Variants in LARP1 observed in about 807,000 individuals in gnomAD.
LARP1 encodes the protein La ribonucleoprotein 1, translational regulator, also known as la-related protein 1.
A neutral mutation model predicts 122.7 loss-of-function variants in LARP1; 36 were observed. The ratio of observed to expected loss-of-function variants is 0.29; its 90% CI spans 0.22 to 0.39. The LOEUF is 0.39. Among genes scored for constraint, LARP1 ranks in the 10% least tolerant of loss-of-function variants. The pLI is 1.00. For missense variants in LARP1, 1,040 were observed against 1,403.6 expected, an observed-to-expected ratio of 0.74 and a Z score of 4.14; for synonymous variants, 539 against 528.7, an observed-to-expected ratio of 1.02 and a Z score of -0.27.
chr5:154,806,955 A>G (rs1758840791), intron 15 of LARP1, among the ~76,000 whole-genome samples: 1 of 152,074 alleles, frequency 6.6e-6, no homozygotes, highest in South Asian at 2.1e-4. Context: ...TACCAGTCAT[A>G]CTCATTATAC....
At chr5:154,714,509 G>C (rs879375412) in intron 1 of LARP1, among the ~76,000 whole-genome samples, 9 of 152,214 alleles carry the variant, frequency 5.9e-5, no homozygotes, top group Non-Finnish European at 1.3e-4. Context: ...GAAGCAGCAG[G>C]ATAATACAAT....
intron 1 of LARP1, among the ~76,000 whole-genome samples, chr5:154,770,734 T>G (rs911181163): frequency 6.6e-6 from 1 of 152,146 alleles, no homozygotes; most frequent in Non-Finnish European, 1.5e-5. Flanking sequence ...GAGCACAGTC[T>G]GGGAATCCAG....
chr5:154,767,396 T>A (rs1755040420), intron 1 of LARP1, among the ~76,000 whole-genome samples: 1 of 152,212 alleles, frequency 6.6e-6, no homozygotes, highest in Non-Finnish European at 1.5e-5. Flanking sequence ...CTGGCCTTCC[T>A]CTGTTGTCCT....
At chr5:154,748,468 G>A (rs1753315898) in intron 1 of LARP1, among the ~76,000 whole-genome samples, 1 of 152,130 alleles carries the variant, frequency 6.6e-6, no homozygotes, top group South Asian at 2.1e-4. Context: ...AAAAATATAT[G>A]TTTTAGGAAA....
chr5:154,781,334 C>A (rs1232167049), intron 1 of LARP1, among the ~76,000 whole-genome samples: 2 of 152,224 alleles, frequency 1.3e-5, no homozygotes, highest in Admixed American at 1.3e-4. Context: ...GGGCTCACGC[C>A]TGTAATCCCA....
intron 1 of LARP1, among the ~76,000 whole-genome samples, chr5:154,768,325 A>G (rs1755115862): frequency 6.6e-6 from 1 of 152,206 alleles, no homozygotes; most frequent in Non-Finnish European, 1.5e-5. Flanking sequence ...GTTAGGTGTC[A>G]GGCCCTGAGA....
chr5:154,817,371 G>A lies in LARP1; in HGVS notation c.*3275G>A, dbSNP rs769971949. The A allele has an allele frequency of 1.2e-4, 18 of 152,588 alleles. No homozygotes were observed. Among genetic ancestry groups the A allele is most frequent in the Admixed American group, 9.8e-4 (15 of 15,282 alleles). 9.5% of individuals were successfully genotyped at this position (152,588 alleles called of 1,614,324 possible). On this transcript the variant is annotated 3_prime_UTR_variant, in exon 19 of 19. Coordinates refer to ENST00000518297, the MANE Select transcript of LARP1 (RefSeq NM_033551.3). ...GCGGAGAAGGTTCCACCTTACGCTC[G>A]TAGTACATTATCTTTACTATGTGCT...
intron 15 of LARP1, among the ~76,000 whole-genome samples, 182 bp from the exon 16 acceptor site, chr5:154,808,277 G>T (rs1758957602): frequency 2.0e-5 from 3 of 152,200 alleles, no homozygotes; most frequent in African/African-American, 7.2e-5. Context: ...CCAGCATCAG[G>T]GCCTGGGGCA....
At chr5:154,701,282 A>G (rs1254578591) in intron 1 of LARP1, among the ~76,000 whole-genome samples, 1 of 152,152 alleles carries the variant, frequency 6.6e-6, no homozygotes, top group Non-Finnish European at 1.5e-5. Flanking sequence ...AGATCCTATC[A>G]CTTCGTTTGT....
intron 1 of LARP1, among the ~76,000 whole-genome samples, chr5:154,704,039 T>C (rs1296336408): frequency 1.3e-5 from 2 of 152,204 alleles, no homozygotes; most frequent in Non-Finnish European, 2.9e-5. Flanking sequence ...GGGCAATGTA[T>C]ACCCCCAGGG....
At chr5:154,727,535 A>C (rs1024292510) in intron 1 of LARP1, among the ~76,000 whole-genome samples, 1 of 152,194 alleles carries the variant, frequency 6.6e-6, no homozygotes, top group African/African-American at 2.4e-5. Context: ...CAAAGGCTAC[A>C]AAATTTCAGT....
chr5:154,780,065 A>G (rs1582388846), intron 1 of LARP1, among the ~76,000 whole-genome samples: 1 of 151,198 alleles, frequency 6.6e-6, no homozygotes, highest in Admixed American at 6.6e-5. Context: ...GCTGGCCTGG[A>G]TTGGGGGAAC....
chr5:154,753,507 T>C (rs558446944), upstream of LARP1, among the ~76,000 whole-genome samples: 2 of 152,226 alleles, frequency 1.3e-5, no homozygotes, highest in African/African-American at 4.8e-5. Flanking sequence ...TAAGAGTACA[T>C]GTAATGAACT....
intron 7 of LARP1, 31 bp downstream of exon 7, chr5:154,794,293 G>A: frequency 6.2e-7 from 1 of 1,606,458 alleles, no homozygotes; most frequent in Non-Finnish European, 8.5e-7. Flanking sequence ...TTACCCTGGA[G>A]AAATGAGTGA....
At chr5:154,763,354 G>A (rs1385788929) in intron 1 of LARP1, among the ~76,000 whole-genome samples, 1 of 151,776 alleles carries the variant, frequency 6.6e-6, no homozygotes, top group South Asian at 2.1e-4. Context: ...TAGCCACCGC[G>A]CCTGGCCCAG....
At chr5:154,756,219 G>A in intron 1 of LARP1, 26 bp downstream of exon 1, 1 of 1,226,488 alleles carries the variant, frequency 8.2e-7, no homozygotes, top group East Asian at 7.7e-5. Flanking sequence ...TGCCCTCCTG[G>A]GTCCGGGGGC....
intron 18 of LARP1, among the ~76,000 whole-genome samples, chr5:154,813,383 T>C (rs1049087413): frequency 6.6e-6 from 1 of 152,004 alleles, no homozygotes; most frequent in Non-Finnish European, 1.5e-5. Context: ...ATGGTCTGAG[T>C]CTTAGTTCAG....
At chr5:154,804,364 C>A in intron 14 of LARP1, 57 bp downstream of exon 14, 2 of 1,273,928 alleles carry the variant, frequency 1.6e-6, no homozygotes, top group Non-Finnish European at 2.3e-6. Flanking sequence ...GGTGGGCGAG[C>A]CATGAAATTG....
At chr5:154,741,593 A>C (rs866467954) in intron 1 of LARP1, among the ~76,000 whole-genome samples, 1 of 151,022 alleles carries the variant, frequency 6.6e-6, no homozygotes, top group East Asian at 2.0e-4. Context: ...GGGTGGGGGG[A>C]GTGGGAATGC....
Sources: gnomAD v4.1 joint callset for allele counts (sites outside exome capture counted in the v4.1 genomes callset) on GRCh38, gnomAD v4.1.1 for gene constraint, MANE v1.5 for transcripts, NCBI Gene and HGNC (gene_info 2026-07-23, HGNC 2026-07-21) for gene names.